Variants in VPS26C observed in about 807,000 individuals in gnomAD.
VPS26C encodes the protein vacuolar protein sorting-associated protein 26C.
A neutral mutation model predicts 30.6 loss-of-function variants in VPS26C; 19 were observed. The ratio of observed to expected loss-of-function variants is 0.62; its 90% confidence interval spans 0.43 to 0.91. VPS26C has a LOEUF of 0.91. Among genes scored for constraint, VPS26C ranks in the 40% least tolerant of loss-of-function variants. The pLI is 0.00. For missense variants in VPS26C, 318 were observed against 385.1 expected (o/e 0.83, Z 1.46); for synonymous variants, 132 against 151.5 (o/e 0.87, Z 0.95).
At position 37,236,407 on chromosome 21, in the gene VPS26C, G is replaced by A. The variant is rs1303559232; in HGVS notation, c.351+2053C>T. Among the ~76,000 whole-genome samples, 4 of 152,178 alleles carry A rather than the reference G, an allele frequency of 2.6e-5. No individual in the cohort carries two copies. The East Asian group carries it at 5.8e-4, about 22-fold the overall frequency. On this transcript the variant is annotated intron_variant, in intron 3 of 7. Transcript: ENST00000309117. ...ACAGATTTAAAAAAACATAATCTTA[G>A]TTTCTCTTAAATTTATTTTCTCAAA...
At position 37,228,369 on chromosome 21, in the gene VPS26C, G is replaced by A. The variant is rs748554450; in HGVS notation, c.512C>T (p.Ala171Val). 2.5e-6 allele frequency: 4 copies of A among 1,614,042 alleles called. No homozygotes were observed. Among genetic ancestry groups the A allele is most frequent in the Admixed American group, 1.7e-5 (1 of 60,020 alleles). Residue 171 changes from alanine to valine, a missense_variant, in exon 6 of 8, where the codon GCT (alanine) becomes GTT (valine). Physicochemically the swap from Ala to Val is moderately conservative, Grantham distance 64 (BLOSUM62 0). Transcript: ENST00000309117. ...PETLQNVKER[A>V]LLPKFLLRGH... ...TCGAAGGAGAAATTTGGGAAGCAAA[G>A]CTCTCTAAAACAAAATGAAAACAAA...
At chr21:37,255,660 TGAA>T (rs2086234445) in intron 1 of VPS26C, among the ~76,000 whole-genome samples, 1 of 152,110 alleles carries the variant, frequency 6.6e-6, no homozygotes, top group Non-Finnish European at 1.5e-5. Flanking sequence ...AGGACAACAG[TGAA>T]GGTCTCCAGA....
At chr21:37,236,015 C>T (rs1347105137) in intron 3 of VPS26C, among the ~76,000 whole-genome samples, 4 of 151,708 alleles carry the variant, frequency 2.6e-5, no homozygotes, top group East Asian at 1.9e-4. Flanking sequence ...AGGTGCATGC[C>T]GCTGCACCCA....
At position 37,240,569 on chromosome 21, in the gene VPS26C, A is replaced by G. The variant is rs2086075791; in HGVS notation, c.128T>C (p.Met43Thr). Residue 43 changes from methionine to threonine, a missense_variant, in exon 2 of 8, where the codon ATG becomes ACG. Met to Thr is a moderately conservative substitution (Grantham distance 81). Transcript: ENST00000309117. ...SVQHQGVSLT[M>T]EGTVNLQLSA... ...GAGCTGGAGGTTTACAGTTCCTTCC[A>G]TGGTCAAAGACACTCCCTGGTGTTG... 2.5e-6 allele frequency: 4 copies of G among 1,614,074 alleles called. No homozygotes were observed. The highest frequency in any genetic ancestry group is 1.6e-4 in the Middle Eastern group (1 of 6,084).
intron 1 of VPS26C, among the ~76,000 whole-genome samples, chr21:37,244,223 A>AG (rs1311314202): frequency 6.6e-6 from 1 of 152,240 alleles, no homozygotes; most frequent in Non-Finnish European, 1.5e-5. Flanking sequence ...GTTTGTTCAA[A>AG]GGGGGGCAAA....
chr21:37,232,033 G>A (rs534559574), intron 5 of VPS26C: 5 of 268,426 alleles, frequency 1.9e-5, no homozygotes, highest in Admixed American at 9.5e-5. Context: ...CCAGGGGGCC[G>A]GGCGCAGGCC....
intron 1 of VPS26C, among the ~76,000 whole-genome samples, chr21:37,247,687 T>A (rs1330322047): frequency 6.6e-6 from 1 of 152,172 alleles, no homozygotes; most frequent in Non-Finnish European, 1.5e-5. Flanking sequence ...AACCCAATTT[T>A]ATGTTGTATG....
intron 1 of VPS26C, 50 bp downstream of exon 1, chr21:37,267,188 T>C: frequency 6.9e-7 from 1 of 1,439,414 alleles, no homozygotes; most frequent in Non-Finnish European, 9.6e-7. Flanking sequence ...CAGCGGAACC[T>C]GCAGACCCGC....
chr21:37,267,500 A>G, upstream of VPS26C: 2 of 592,136 alleles, frequency 3.4e-6, no homozygotes, highest in Non-Finnish European at 6.0e-6. Flanking sequence ...AGCCGGCCTT[A>G]GTGCGGGCCG....
chr21:37,231,648 A>G (rs2085965052), intron 5 of VPS26C: 1 of 152,436 alleles, frequency 6.6e-6, no homozygotes, highest in South Asian at 2.1e-4. Context: ...GAAAAGTTAC[A>G]TCCAGGAAGA....
chr21:37,235,882 T>C (rs1043687732), intron 3 of VPS26C, among the ~76,000 whole-genome samples: 1 of 144,680 alleles, frequency 6.9e-6, no homozygotes, highest in Non-Finnish European at 1.5e-5. Context: ...TATATATATT[T>C]TTTTTTTTAA....
At chr21:37,240,403 G>C in intron 2 of VPS26C, 93 bp downstream of exon 2, 1 of 1,431,164 alleles carries the variant, frequency 7.0e-7, no homozygotes, top group Non-Finnish European at 9.6e-7. Flanking sequence ...GAGATTACAG[G>C]CCTGAGCCAC....
intron 3 of VPS26C, among the ~76,000 whole-genome samples, chr21:37,237,190 G>C (rs2086034599): frequency 3.3e-5 from 5 of 152,160 alleles, no homozygotes; most frequent in Admixed American, 3.3e-4. Context: ...GGTAAGTCTT[G>C]ATGAACGCAG....
At chr21:37,265,363 GT>G (rs1419289125) in intron 1 of VPS26C, among the ~76,000 whole-genome samples, 4 of 152,302 alleles carry the variant, frequency 2.6e-5, no homozygotes, top group Admixed American at 2.0e-4. Flanking sequence ...GCAATTGTTA[GT>G]ATTTTGCCAC....
At chr21:37,238,723 C>T in intron 2 of VPS26C, 114 bp from the exon 3 acceptor site, 1 of 1,247,118 alleles carries the variant, frequency 8.0e-7, no homozygotes, top group South Asian at 1.4e-5. Flanking sequence ...CACCATCCTG[C>T]TGTCTTCGGC....
In VPS26C at chr21:37,266,975, C is replaced by T. The variant is rs1396398264; in HGVS notation, c.57+263G>A. On this transcript the variant is annotated intron_variant, in intron 1 of 7. Coordinates refer to ENST00000309117, the MANE Select transcript of VPS26C (RefSeq NM_006052.2). ...GGGCCAGATGGGAAGAGCGCAGCCCCGGAGCTGGGCGCCTGCCCTGCACGT... is the reference window on the plus strand; with the variant it reads ...GGGCCAGATGGGAAGAGCGCAGCCCTGGAGCTGGGCGCCTGCCCTGCACGT... The T allele has an allele frequency of 5.6e-6, 3 of 537,276 alleles. No homozygotes were observed. In the South Asian group the frequency reaches 6.5e-5, roughly 12 times the overall value. 33.3% of individuals were successfully genotyped at this position (537,276 alleles called of 1,614,324 possible).
chr21:37,228,259 TTCTGATGGCGGCTTCCGAGC>T lies in VPS26C; in HGVS notation c.602_621del (p.Ser201LysfsTer49). The stretch of plus-strand genomic sequence containing the variant: ...ACGCGCACCAGCTGCAGCTCCACGC[TTCTGATGGCGGCTTCCGAGC>T]TCTCCACCACCAGCTCTCCCGTTAG... On this transcript the variant is annotated frameshift_variant, in exon 6 of 8. Coordinates refer to ENST00000309117, the MANE Select transcript of VPS26C (RefSeq NM_006052.2). LOFTEE classifies it high-confidence loss of function. The T allele has an allele frequency of 6.2e-7, 1 of 1,613,088 alleles. No individual in the cohort carries two copies. Among genetic ancestry groups the T allele is most frequent in the Non-Finnish European group, 8.5e-7 (1 of 1,179,778 alleles).
chr21:37,252,801 G>A (rs189627783), intron 1 of VPS26C, among the ~76,000 whole-genome samples: 129 of 152,252 alleles, frequency 8.5e-4, no homozygotes, highest in Non-Finnish European at 1.0e-3. Context: ...AATGCATTAC[G>A]CTAATGATAA....
At chr21:37,251,005 G>A (rs2086188212) in intron 1 of VPS26C, among the ~76,000 whole-genome samples, 1 of 148,850 alleles carries the variant, frequency 6.7e-6, no homozygotes, top group Admixed American at 6.7e-5. Flanking sequence ...AGGGAATGCA[G>A]ATTGTTCCTA....
Sources: gnomAD v4.1 joint callset for allele counts (sites outside exome capture counted in the v4.1 genomes callset) on GRCh38, gnomAD v4.1.1 for gene constraint, MANE v1.5 for transcripts, NCBI Gene and HGNC (gene_info 2026-07-23, HGNC 2026-07-21) for gene names.